The following BCL2L2 variants were observed in gnomAD, a reference collection of about 807,000 sequenced individuals.
The protein encoded by BCL2L2 is bcl-2-like protein 2.
BCL2L2 carries 6 observed loss-of-function variants against 14.6 expected under a neutral mutation model. That is an observed-to-expected ratio of 0.41 (90% CI 0.22 to 0.81). The LOEUF is 0.81. Among genes scored for constraint, BCL2L2 ranks in the 30% least tolerant of loss-of-function variants. The pLI is 0.32. For synonymous variants in BCL2L2, 90 were observed against 108.5 expected (o/e 0.83, Z 1.06); for missense variants, 191 against 260.5 (o/e 0.73, Z 1.84).
At position 23,311,271 on chromosome 14, in the gene BCL2L2, C is replaced by T. The variant is rs1448626584; in HGVS notation, c.*2306C>T. On this transcript the variant is annotated 3_prime_UTR_variant, in exon 4 of 4. Transcript: ENST00000250405. ...CTCTTCTGTCAGGGAAAACTAGGGA[C>T]TCTCTTCTAGAGCCATATAGTTCCT... The T allele has an allele frequency of 6.7e-6, 8 of 1,199,866 alleles. No homozygotes were observed. The African/African-American group carries it at 1.3e-4, about 19-fold the overall frequency. 74.3% of individuals were successfully genotyped at this position (1,199,866 alleles called of 1,614,324 possible).
chr14:23,310,912 A>G lies in BCL2L2; in HGVS notation c.*1947A>G. ...ATTAAGGGGTTTGCTGCTGAAAAAA[A>G]GTTGGAAAACCACTGACTAGACCAT... On this transcript the variant is annotated 3_prime_UTR_variant, in exon 4 of 4. Transcript: ENST00000250405. 9 of 1,289,150 alleles carry G rather than the reference A, an allele frequency of 7.0e-6. No homozygotes were observed. The highest frequency in any genetic ancestry group is 2.5e-5 in the South Asian group (2 of 80,956). 79.9% of individuals were successfully genotyped at this position (1,289,150 alleles called of 1,614,324 possible).
rs1270900789 is a variant in BCL2L2 at position 23,308,081 on chromosome 14, C to T, written c.314C>T (p.Ala105Val). The change falls in exon 3 of 4, where the codon GCA becomes GTA. Residue 105 changes from alanine to valine, a missense_variant. Ala to Val is a moderately conservative substitution (Grantham distance 64). Transcript: ENST00000250405. The surrounding 1 kb of genome is among the most constrained non-coding windows in gnomAD (Gnocchi z 5.4). ...RLVAFFVFGA[A>V]LCAESVNKEM... ...GTAGCCTTCTTTGTCTTTGGGGCTG[C>T]ACTGTGTGCTGAGAGTGTCAACAAG... is the stretch of plus-strand genomic sequence containing the variant. 6.2e-7 allele frequency: 1 copy of T among 1,613,938 alleles called. No homozygotes were observed. Among genetic ancestry groups the T allele is most frequent in the Non-Finnish European group, 8.5e-7 (1 of 1,180,026 alleles).
In BCL2L2 at chr14:23,309,866, T is replaced by C. The variant is rs754736616; in HGVS notation, c.*901T>C. The C allele has an allele frequency of 4.0e-5, 39 of 985,334 alleles. No individual in the cohort carries two copies. The highest frequency in any genetic ancestry group is 4.7e-5 in the Non-Finnish European group (39 of 829,952). 61.0% of individuals were successfully genotyped at this position (985,334 alleles called of 1,614,324 possible). The stretch of plus-strand genomic sequence containing the variant: ...TCAGGCACAATGGTGCCTAAAGTGT[T>C]TCCAATCTCTGGGACCTCTGTACCC... On this transcript the variant is annotated 3_prime_UTR_variant, in exon 4 of 4. Transcript: ENST00000250405.
In BCL2L2 at chr14:23,309,359, T is replaced by G; in HGVS notation, c.*394T>G. ...TAGGGAACGCAGAAGGCACATCCCT[T>G]TGGAATGGAAGCTTAGGGGTTCTCA... On this transcript the variant is annotated 3_prime_UTR_variant, in exon 4 of 4. Coordinates refer to ENST00000250405, the MANE Select transcript of BCL2L2 (RefSeq NM_004050.5). 9.9e-7 allele frequency: 1 copy of G among 1,012,104 alleles called. No individual in the cohort carries two copies. Among genetic ancestry groups the G allele is most frequent in the Non-Finnish European group, 1.2e-6 (1 of 847,832 alleles). 62.7% of individuals were successfully genotyped at this position (1,012,104 alleles called of 1,614,324 possible).
At position 23,308,916 on chromosome 14, in the gene BCL2L2, T is replaced by G; in HGVS notation, c.533T>G (p.Val178Gly). 1 of 1,321,394 alleles carries G rather than the reference T, an allele frequency of 7.6e-7. No individual in the cohort carries two copies. Among genetic ancestry groups the G allele is most frequent in the Non-Finnish European group, 9.7e-7 (1 of 1,026,868 alleles). The allele number at this position is 1,321,394 out of a possible 1,614,324, so 81.9% of individuals were successfully genotyped here. ...ASVRTVLTGA[V>G]ALGALVTVGA... ...GTGAGGACAGTGCTGACGGGGGCCG[T>G]GGCACTGGGGGCCCTGGTAACTGTA... Residue 178 changes from valine (V) to glycine (G), a missense_variant, in exon 4 of 4, where the codon GTG becomes GGG. Coordinates refer to ENST00000250405, the MANE Select transcript of BCL2L2 (RefSeq NM_004050.5). This position sits in a 1 kb window ranked among gnomAD's most constrained non-coding sequence, Gnocchi z 5.4.
chr14:23,307,948 T>C lies in BCL2L2; in HGVS notation c.181T>C (p.Phe61Leu), dbSNP rs796896634. 10 of 1,614,040 alleles carry C rather than the reference T, an allele frequency of 6.2e-6. No homozygotes were observed. The highest frequency in any genetic ancestry group is 1.3e-5 in the African/African-American group (1 of 75,060). ...GTTCGAGACCCGCTTCCGGCGCACC[T>C]TCTCTGATCTGGCGGCTCAGCTGCA... ...DEFETRFRRTFSDLAAQLHVT... is the reference protein window; with the variant it reads ...DEFETRFRRTLSDLAAQLHVT... The change falls in exon 3 of 4, where the codon TTC becomes CTC. Residue 61 changes from phenylalanine to leucine, a missense_variant. Transcript: ENST00000250405.
rs891824602 is a variant in BCL2L2, at chr14:23,309,232, C to T, written c.*267C>T. ...GGGCTGGGGGAGGTGGGAGGGATCA[C>T]GCCTATAGGTGTGGGCACATGAAAC... is the stretch of plus-strand genomic sequence containing the variant. On this transcript the variant is annotated 3_prime_UTR_variant, in exon 4 of 4. Coordinates refer to ENST00000250405, the MANE Select transcript of BCL2L2 (RefSeq NM_004050.5). 1.4e-5 allele frequency: 17 copies of T among 1,192,342 alleles called. No individual in the cohort carries two copies. The highest frequency in any genetic ancestry group is 6.3e-5 in the African/African-American group (4 of 63,498). The allele number at this position is 1,192,342 out of a possible 1,614,324, so 73.9% of individuals were successfully genotyped here. A position where few individuals can be genotyped will look rare whatever the true frequency, so the allele number is the denominator to read the frequency against.
chr14:23,307,918 G>A lies in BCL2L2; in HGVS notation c.151G>A (p.Asp51Asn), dbSNP rs1361867382. The part of the protein sequence containing the change: ...PLHQAMRAAG[D>N]EFETRFRRTF... The stretch of plus-strand genomic sequence containing the variant: ...GCACCAAGCCATGCGGGCAGCTGGA[G>A]ATGAGTTCGAGACCCGCTTCCGGCG... The change falls in exon 3 of 4, where the codon GAT becomes AAT. Residue 51 changes from aspartate to asparagine, a missense_variant. Physicochemically the swap from Asp to Asn is conservative, Grantham distance 23. Transcript: ENST00000250405. 1 of 1,613,754 alleles carries A rather than the reference G, an allele frequency of 6.2e-7. No individual in the cohort carries two copies. Among genetic ancestry groups the A allele is most frequent in the Non-Finnish European group, 8.5e-7 (1 of 1,179,884 alleles).
chr14:23,309,646 C>T lies in BCL2L2; in HGVS notation c.*681C>T. On this transcript the variant is annotated 3_prime_UTR_variant, in exon 4 of 4. Coordinates refer to ENST00000250405, the MANE Select transcript of BCL2L2 (RefSeq NM_004050.5). Reference sequence around the variant, plus strand: ...ATCCAGACCGAGGGCTCTGCTGCTTCTTTCCAGAAAGTGATTGGCAAGGCT... The same window carrying T: ...ATCCAGACCGAGGGCTCTGCTGCTTTTTTCCAGAAAGTGATTGGCAAGGCT... The T allele has an allele frequency of 1.0e-6, 1 of 985,642 alleles. No homozygotes were observed. 61.1% of individuals were successfully genotyped at this position (985,642 alleles called of 1,614,324 possible). A position where few individuals can be genotyped will look rare whatever the true frequency, so the allele number is the denominator to read the frequency against.
chr14:23,310,053 A>G lies in BCL2L2; in HGVS notation c.*1088A>G. ...TCTGAATCCCATGGGTGTGAGGGTGATGGGTACTCCAGGACTGGCCTATGC... is the reference window on the plus strand; with the variant it reads ...TCTGAATCCCATGGGTGTGAGGGTGGTGGGTACTCCAGGACTGGCCTATGC... On this transcript the variant is annotated 3_prime_UTR_variant, in exon 4 of 4. Transcript: ENST00000250405. 1 of 985,514 alleles carries G rather than the reference A, an allele frequency of 1.0e-6. No homozygotes were observed. The highest frequency in any genetic ancestry group is 1.2e-6 in the Non-Finnish European group (1 of 830,088). 61.0% of individuals were successfully genotyped at this position (985,514 alleles called of 1,614,324 possible).
Position 23,310,835 on chromosome 14 carries a change from C to T in BCL2L2, c.*1870C>T. On this transcript the variant is annotated 3_prime_UTR_variant, in exon 4 of 4. Transcript: ENST00000250405. ...GGCAATTTGCCCTCAAACAGAACAG[C>T]TCCCCTTGTAGCTGTCTTACATATT... The T allele has an allele frequency of 8.2e-7, 1 of 1,226,704 alleles. No homozygotes were observed. The highest frequency in any genetic ancestry group is 1.4e-5 in the South Asian group (1 of 73,934). 76.0% of individuals were successfully genotyped at this position (1,226,704 alleles called of 1,614,324 possible).
In BCL2L2 at chr14:23,311,348, C is replaced by A; in HGVS notation, c.*2383C>A. The A allele has an allele frequency of 9.3e-7, 1 of 1,079,884 alleles. No individual in the cohort carries two copies. Among genetic ancestry groups the A allele is most frequent in the Non-Finnish European group, 1.1e-6 (1 of 887,240 alleles). The allele number at this position is 1,079,884 out of a possible 1,614,324, so 66.9% of individuals were successfully genotyped here. On this transcript the variant is annotated 3_prime_UTR_variant, in exon 4 of 4. Coordinates refer to ENST00000250405, the MANE Select transcript of BCL2L2 (RefSeq NM_004050.5). ...TGAGTATGGTTCCCAATTTTTAAAT[C>A]CATTTCATTTTTTAAAAAATAAGGG... is the stretch of plus-strand genomic sequence containing the variant.
rs750276592 is a variant in BCL2L2, at chr14:23,308,958, G to C, written c.575G>C (p.Ser192Thr). The C allele has an allele frequency of 7.5e-7, 1 of 1,325,312 alleles. No homozygotes were observed. Among genetic ancestry groups the C allele is most frequent in the South Asian group, 2.9e-5 (1 of 34,954 alleles). The allele number at this position is 1,325,312 out of a possible 1,614,324, so 82.1% of individuals were successfully genotyped here. A position where few individuals can be genotyped will look rare whatever the true frequency, so the allele number is the denominator to read the frequency against. The change falls in exon 4 of 4, where the codon AGC becomes ACC. Residue 192 changes from serine (S) to threonine (T), a missense_variant. Physicochemically the swap from Ser to Thr is moderately conservative, Grantham distance 58. Transcript: ENST00000250405. The surrounding 1 kb of genome is among the most constrained non-coding windows in gnomAD (Gnocchi z 5.4). ...ALVTVGAFFASK is the reference protein window; with the variant it reads ...ALVTVGAFFATK ...GTAACTGTAGGGGCCTTTTTTGCTA[G>C]CAAGTGAAAGTCCAGGGCCAGGTGG... is the stretch of plus-strand genomic sequence containing the variant.
In BCL2L2 at chr14:23,310,349, T is replaced by C; in HGVS notation, c.*1384T>C. The C allele has an allele frequency of 1.0e-6, 1 of 988,544 alleles. No homozygotes were observed. Among genetic ancestry groups the C allele is most frequent in the Non-Finnish European group, 1.2e-6 (1 of 831,738 alleles). 61.2% of individuals were successfully genotyped at this position (988,544 alleles called of 1,614,324 possible). Reference sequence around the variant, plus strand: ...CTCACTGCTGCACTTTCCAAGGTGCTAAGATTGCTGCTCTCCAATGCTAAC... The same window carrying C: ...CTCACTGCTGCACTTTCCAAGGTGCCAAGATTGCTGCTCTCCAATGCTAAC... On this transcript the variant is annotated 3_prime_UTR_variant, in exon 4 of 4. Transcript: ENST00000250405.
Position 23,308,323 on chromosome 14 carries a change from C to T in BCL2L2, c.432+124C>T, listed in dbSNP as rs1887385272. The T allele has an allele frequency of 2.2e-6, 3 of 1,346,494 alleles. No individual in the cohort carries two copies. The Admixed American group carries it at 8.5e-5, about 38-fold the overall frequency. 83.4% of individuals were successfully genotyped at this position (1,346,494 alleles called of 1,614,324 possible). A position where few individuals can be genotyped will look rare whatever the true frequency, so the allele number is the denominator to read the frequency against. On this transcript the variant is annotated intron_variant, in intron 3 of 3. Transcript: ENST00000250405. This position sits in a 1 kb window ranked among gnomAD's most constrained non-coding sequence, Gnocchi z 5.4. ...GGGAATGAGGTACGGGGCTGAGTCTCCCCGTCTGGATGGAATTAGATTGAG... is the reference window on the plus strand; with the variant it reads ...GGGAATGAGGTACGGGGCTGAGTCTTCCCGTCTGGATGGAATTAGATTGAG...
chr14:23,307,660 C>G, intron 2 of BCL2L2, 100 bp from the exon 3 acceptor site: 1 of 1,453,054 alleles, frequency 6.9e-7, no homozygotes, highest in Non-Finnish European at 9.2e-7. Context: ...TGAGCATTTC[C>G]TCTCTCCTCC....
In BCL2L2 at chr14:23,311,522, T is replaced by C. The variant is rs1887613906; in HGVS notation, c.*2557T>C. 1.0e-6 allele frequency: 1 copy of C among 992,766 alleles called. No homozygotes were observed. Among genetic ancestry groups the C allele is most frequent in the African/African-American group, 1.7e-5 (1 of 57,248 alleles). The allele number at this position is 992,766 out of a possible 1,614,324, so 61.5% of individuals were successfully genotyped here. The stretch of plus-strand genomic sequence containing the variant: ...TCGGTCCTGCGATTATTAATCCCAC[T>C]CCCCACTTATTCTAGGGCACACAAA... On this transcript the variant is annotated 3_prime_UTR_variant, in exon 4 of 4. Coordinates refer to ENST00000250405, the MANE Select transcript of BCL2L2 (RefSeq NM_004050.5).
Position 23,308,124 on chromosome 14 carries a change from G to A in BCL2L2, c.357G>A (p.Val119=). 6.2e-7 allele frequency: 1 copy of A among 1,613,876 alleles called. No individual in the cohort carries two copies. The change falls in exon 3 of 4, where the codon GTG becomes GTA. Residue 119 remains valine (V), a synonymous_variant. Transcript: ENST00000250405. The surrounding 1 kb of genome is among the most constrained non-coding windows in gnomAD (Gnocchi z 5.4). ...ESVNKEMEPL[V]GQVQEWMVAY... is the part of the protein sequence containing the mutation. The stretch of plus-strand genomic sequence containing the variant: ...TCAACAAGGAGATGGAACCACTGGT[G>A]GGACAAGTGCAGGAGTGGATGGTGG...
At position 23,310,559 on chromosome 14, in the gene BCL2L2, G is replaced by A; in HGVS notation, c.*1594G>A. ...AGTCCAGACTTCTGCTTTTGAGAGA[G>A]GGCTGCACTTTTTCATGGTATTTCT... On this transcript the variant is annotated 3_prime_UTR_variant, in exon 4 of 4. Coordinates refer to ENST00000250405, the MANE Select transcript of BCL2L2 (RefSeq NM_004050.5). 2 of 1,067,952 alleles carry A rather than the reference G, an allele frequency of 1.9e-6. No individual in the cohort carries two copies. Among genetic ancestry groups the A allele is most frequent in the Non-Finnish European group, 2.3e-6 (2 of 880,092 alleles). 66.2% of individuals were successfully genotyped at this position (1,067,952 alleles called of 1,614,324 possible).
Sources: allele counts gnomAD v4.1 joint callset, GRCh38; gene constraint gnomAD v4.1.1; non-coding constraint Gnocchi (gnomAD v3.1); transcripts MANE v1.5; gene names NCBI Gene and HGNC (gene_info 2026-07-23, HGNC 2026-07-21).